The following LRBA variants were observed in gnomAD, a reference collection of about 807,000 sequenced individuals.
LRBA encodes lipopolysaccharide-responsive and beige-like anchor protein.
A neutral mutation model predicts 330.0 loss-of-function variants in LRBA; 176 were observed. The observed-to-expected ratio is 0.53, with a 90% CI of 0.47 to 0.60. The LOEUF (loss-of-function observed/expected upper bound fraction) is 0.60, where lower values mean the gene tolerates loss of function less well. LRBA is among the 20% of genes least tolerant of loss of function. The pLI, the probability that LRBA is intolerant of heterozygous loss-of-function variation, is 0.00. For synonymous variants in LRBA, 1,230 were observed against 1,193.0 expected, an observed-to-expected ratio of 1.03 and a Z score of -0.64; for missense variants, 3,259 against 3,444.8, an observed-to-expected ratio of 0.95 and a Z score of 1.35.
intron 47 of LRBA, among the ~76,000 whole-genome samples, chr4:150,391,765 G>A (rs1475383749): frequency 6.6e-6 from 1 of 151,962 alleles, no homozygotes; most frequent in Non-Finnish European, 1.5e-5. Flanking sequence ...TGTGCTAGGT[G>A]CTGGAAAAGA....
chr4:150,307,298 G>A (rs944732656), intron 52 of LRBA, among the ~76,000 whole-genome samples: 1 of 151,958 alleles, frequency 6.6e-6, no homozygotes, highest in Non-Finnish European at 1.5e-5. Flanking sequence ...TCTAGTAGGT[G>A]GCACAGGGTA....
chr4:150,560,300 G>A (rs1768150500), intron 40 of LRBA, among the ~76,000 whole-genome samples: 1 of 151,882 alleles, frequency 6.6e-6, no homozygotes, highest in Admixed American at 6.6e-5. Context: ...AAATATTAAT[G>A]GCAGGTAAAT....
chr4:150,560,666 T>A (rs765628528), intron 40 of LRBA, among the ~76,000 whole-genome samples: 1 of 152,156 alleles, frequency 6.6e-6, no homozygotes, highest in Non-Finnish European at 1.5e-5. Flanking sequence ...AGGTCCATAT[T>A]TATAATTCAA....
chr4:150,652,845 A>T (rs979708859), intron 37 of LRBA, among the ~76,000 whole-genome samples: 3 of 152,154 alleles, frequency 2.0e-5, no homozygotes, highest in Admixed American at 1.3e-4. Context: ...TAGACACCTA[A>T]CGCCTGCTTG....
intron 48 of LRBA, among the ~76,000 whole-genome samples, chr4:150,342,514 A>T (rs1031124226): frequency 6.6e-6 from 1 of 152,202 alleles, no homozygotes; most frequent in Admixed American, 6.5e-5. Context: ...AAATGCAGAC[A>T]TAGTTGTATA....
intron 47 of LRBA, among the ~76,000 whole-genome samples, chr4:150,364,208 G>A (rs763061309): frequency 6.6e-6 from 1 of 152,104 alleles, no homozygotes; most frequent in Non-Finnish European, 1.5e-5. Context: ...GTCAACTTGG[G>A]GGAAATGCAC....
At chr4:150,796,535 A>G (rs957480074) in intron 34 of LRBA, among the ~76,000 whole-genome samples, 1 of 152,080 alleles carries the variant, frequency 6.6e-6, no homozygotes, top group African/African-American at 2.4e-5. Context: ...TTACTGTACT[A>G]TATGATCTTC....
At chr4:150,804,824 G>C (rs1238677370) in intron 33 of LRBA, among the ~76,000 whole-genome samples, 1 of 151,998 alleles carries the variant, frequency 6.6e-6, no homozygotes, top group Non-Finnish European at 1.5e-5. Context: ...AAAAATCCTA[G>C]TTATGAGGTC....
At position 150,467,683 on chromosome 4, in the gene LRBA, T is replaced by A; in HGVS notation, c.6770A>T (p.Asp2257Val). 2 of 1,581,878 alleles carry A rather than the reference T, an allele frequency of 1.3e-6. No individual in the cohort carries two copies. Among genetic ancestry groups the A allele is most frequent in the Non-Finnish European group, 1.7e-6 (2 of 1,153,386 alleles). Residue 2257 changes from aspartate to valine, a missense_variant, in exon 44 of 57, where the codon GAT becomes GTT. Transcript: ENST00000651943. Reference sequence around the variant, plus strand: ...TTACTGAGAAATTACCTTGGACAAATCTCTGAAGTTGGTGGGCAAGGTAAG... The same window carrying A: ...TTACTGAGAAATTACCTTGGACAAAACTCTGAAGTTGGTGGGCAAGGTAAG... ...LDLTLPTNFR[D>V]LSKPIGALNP...
chr4:150,581,779 C>G (rs1217684158), intron 40 of LRBA: 1 of 152,700 alleles, frequency 6.5e-6, no homozygotes, highest in Admixed American at 6.5e-5. Context: ...GTGGTGGCTG[C>G]TACCGTTCGC....
chr4:150,784,668 T>G (rs568276956), intron 34 of LRBA, among the ~76,000 whole-genome samples: 1 of 152,322 alleles, frequency 6.6e-6, no homozygotes, highest in South Asian at 2.1e-4. Context: ...TCTCTTGGCT[T>G]TGGAGCCCCG....
chr4:150,664,312 T>C (rs1310152709), intron 37 of LRBA, among the ~76,000 whole-genome samples: 2 of 152,236 alleles, frequency 1.3e-5, no homozygotes, highest in Non-Finnish European at 2.9e-5. Context: ...AAAGCTGTTC[T>C]GATCTCAGAA....
At position 150,704,052 on chromosome 4, in the gene LRBA, A is replaced by T. The variant is rs542567814; in HGVS notation, c.5755-20335T>A. Reference sequence around the variant, plus strand: ...CAAGACCCCATCTCTACAAAAAAAAATTTTTTTAATGTTAGCCAGGAATGG... The same window carrying T: ...CAAGACCCCATCTCTACAAAAAAAATTTTTTTTAATGTTAGCCAGGAATGG... On this transcript the variant is annotated intron_variant, in intron 36 of 56. Coordinates refer to ENST00000651943, the MANE Select transcript of LRBA (RefSeq NM_001364905.1). Among the ~76,000 whole-genome samples the T allele has an allele frequency of 2.6e-4, 39 of 151,944 alleles. No individual in the cohort carries two copies. In the South Asian group the frequency reaches 4.0e-3, roughly 15 times the overall value.
In LRBA at chr4:150,321,061, CT is replaced by C. The variant is rs1732441812; in HGVS notation, c.7630+129del. 25 of 876,170 alleles carry C rather than the reference CT, an allele frequency of 2.9e-5. No homozygotes were observed. The South Asian group carries it at 4.6e-4, about 16-fold the overall frequency. The allele number at this position is 876,170 out of a possible 1,614,324, so 54.3% of individuals were successfully genotyped here. A position where few individuals can be genotyped will look rare whatever the true frequency, so the allele number is the denominator to read the frequency against. On this transcript the variant is annotated intron_variant, in intron 50 of 56. Coordinates refer to ENST00000651943, the MANE Select transcript of LRBA (RefSeq NM_001364905.1). The surrounding 1 kb of genome is among the most constrained non-coding windows in gnomAD (Gnocchi z 4.5). ...GTGGGCCTTTTTTAAGCCTTTCAAA[CT>C]ATTAAACAATTTGATTCAGACTAAT...
chr4:150,713,465 A>G (rs974088132), intron 36 of LRBA, among the ~76,000 whole-genome samples: 3 of 152,182 alleles, frequency 2.0e-5, no homozygotes, highest in Non-Finnish European at 4.4e-5. Context: ...CGGAAAAATC[A>G]CTCAACAAAA....
chr4:150,629,375 A>G (rs1348355513), intron 37 of LRBA, among the ~76,000 whole-genome samples: 1 of 152,254 alleles, frequency 6.6e-6, no homozygotes, highest in Non-Finnish European at 1.5e-5. Context: ...ACAGTGGCTC[A>G]TGCCTGTAAT....
intron 47 of LRBA, among the ~76,000 whole-genome samples, chr4:150,385,264 C>T (rs917279501): frequency 6.6e-6 from 1 of 152,034 alleles, no homozygotes; most frequent in African/African-American, 2.4e-5. Flanking sequence ...ACGATCTTCA[C>T]AACTCTTTAT....
chr4:150,792,401 T>C (rs1740082247), intron 34 of LRBA, among the ~76,000 whole-genome samples: 1 of 152,186 alleles, frequency 6.6e-6, no homozygotes, highest in Non-Finnish European at 1.5e-5. Flanking sequence ...CAGGGAAATT[T>C]GAGGATTAAA....
chr4:150,583,122 C>T lies in LRBA; in HGVS notation c.6330+4926G>A, dbSNP rs1288846624. The T allele has an allele frequency of 6.2e-7, 1 of 1,614,084 alleles. No homozygotes were observed. Among genetic ancestry groups the T allele is most frequent in the African/African-American group, 1.3e-5 (1 of 74,954 alleles). ...GCAAGGCGGCCATCGCCAAAACCATCCGAGAGGTCTGTAAGGTGGTCTCGG... is the reference window on the plus strand; with the variant it reads ...GCAAGGCGGCCATCGCCAAAACCATTCGAGAGGTCTGTAAGGTGGTCTCGG... On this transcript the variant is annotated intron_variant, in intron 40 of 56. Coordinates refer to ENST00000651943, the MANE Select transcript of LRBA (RefSeq NM_001364905.1). This position sits in a 1 kb window ranked among gnomAD's most constrained non-coding sequence, Gnocchi z 9.8.
Sources: gnomAD v4.1 joint callset for allele counts (sites outside exome capture counted in the v4.1 genomes callset) on GRCh38, gnomAD v4.1.1 for gene constraint, Gnocchi (gnomAD v3.1) non-coding constraint, MANE v1.5 for transcripts, NCBI Gene and HGNC (gene_info 2026-07-23, HGNC 2026-07-21) for gene names.